Variants in AGFG2 observed in about 807,000 individuals in gnomAD.
The protein encoded by AGFG2 is ArfGAP with FG repeats 2.
In AGFG2, 31 loss-of-function variants were observed where a neutral mutation model predicts 48.0. The ratio of observed to expected loss-of-function variants is 0.65; its 90% CI spans 0.49 to 0.87. The LOEUF (loss-of-function observed/expected upper bound fraction) is 0.87, where lower values mean the gene tolerates loss of function less well. Among genes scored for constraint, AGFG2 ranks in the 40% least tolerant of loss-of-function variants. The probability of loss-of-function intolerance (pLI) is 0.00; values close to 1 mark genes in which losing one functional copy is unlikely to be tolerated. For synonymous variants in AGFG2, 229 were observed against 260.8 expected, an observed-to-expected ratio of 0.88 and a Z score of 1.18; for missense variants, 599 against 632.6, an observed-to-expected ratio of 0.95 and a Z score of 0.57.
At position 100,558,069 on chromosome 7, in the gene AGFG2, C is replaced by T. The variant is rs543076903; in HGVS notation, c.877+2334C>T. ...TCTCTGCTAAAAATACAAATATTAGCCGGGCATGGTGGCAGGCGCCTGTAA... is the reference window on the plus strand; with the variant it reads ...TCTCTGCTAAAAATACAAATATTAGTCGGGCATGGTGGCAGGCGCCTGTAA... On this transcript the variant is annotated intron_variant, in intron 6 of 11. Coordinates refer to ENST00000300176, the MANE Select transcript of AGFG2 (RefSeq NM_006076.5). 3.9e-5 allele frequency among the ~76,000 whole-genome samples: 6 copies of T among 152,076 alleles called. No homozygotes were observed. In the East Asian group the frequency reaches 9.7e-4, roughly 25 times the overall value.
Position 100,550,527 on chromosome 7 carries a change from G to C in AGFG2, c.431+16G>C, listed in dbSNP as rs1383063161. On this transcript the variant is annotated intron_variant, in intron 3 of 11. Coordinates refer to ENST00000300176, the MANE Select transcript of AGFG2 (RefSeq NM_006076.5). The stretch of plus-strand genomic sequence containing the variant: ...AGAAGAGATGGTAAGGAGTAGGAAA[G>C]AGGTTGCTATGGAAACGTGTTCAAG... 1 of 1,581,850 alleles carries C rather than the reference G, an allele frequency of 6.3e-7. No individual in the cohort carries two copies.
In AGFG2 at chr7:100,565,106, T is replaced by G; in HGVS notation, c.*115T>G. On this transcript the variant is annotated 3_prime_UTR_variant, in exon 12 of 12. Transcript: ENST00000300176. Reference sequence around the variant, plus strand: ...TGGGCCTTGGGGATGGTGGAGGTGCTAATGCTTTGCTTGGGGCCTACAGGT... The same window carrying G: ...TGGGCCTTGGGGATGGTGGAGGTGCGAATGCTTTGCTTGGGGCCTACAGGT... 2 of 1,236,046 alleles carry G rather than the reference T, an allele frequency of 1.6e-6. No individual in the cohort carries two copies. The highest frequency in any genetic ancestry group is 2.4e-6 in the Non-Finnish European group (2 of 841,862). 76.6% of individuals were successfully genotyped at this position (1,236,046 alleles called of 1,614,324 possible). A position where few individuals can be genotyped will look rare whatever the true frequency, so the allele number is the denominator to read the frequency against.
At chr7:100,564,648 T>C (rs1017245041) in intron 11 of AGFG2, among the ~76,000 whole-genome samples, 2 of 151,840 alleles carry the variant, frequency 1.3e-5, no homozygotes, top group Admixed American at 1.3e-4. Context: ...GGACTACAGG[T>C]GTGCACCACC....
intron 9 of AGFG2, 42 bp from the exon 10 acceptor site, chr7:100,563,792 C>T (rs1177468962): frequency 6.2e-7 from 1 of 1,606,422 alleles, no homozygotes; most frequent in Non-Finnish European, 8.5e-7. Flanking sequence ...TCCAGCCCAC[C>T]TTCCAGAAGT....
At chr7:100,541,759 T>C (rs1185384738) in intron 1 of AGFG2, among the ~76,000 whole-genome samples, 1 of 143,528 alleles carries the variant, frequency 7.0e-6, no homozygotes, top group Non-Finnish European at 1.5e-5. Context: ...AGCGAGACTC[T>C]GTCTCACAAA....
At chr7:100,558,974 A>G (rs373140323) in intron 6 of AGFG2, among the ~76,000 whole-genome samples, 2 of 152,140 alleles carry the variant, frequency 1.3e-5, no homozygotes, top group East Asian at 3.9e-4. Flanking sequence ...CTCTCTACCA[A>G]AATACAAAAA....
In AGFG2 at chr7:100,550,981, C is replaced by G. The variant is rs759742902; in HGVS notation, c.431+470C>G. Among the ~76,000 whole-genome samples, 93 of 138,088 alleles carry G rather than the reference C, an allele frequency of 6.7e-4. 1 individual carries two copies. Among genetic ancestry groups the G allele is most frequent in the Non-Finnish European group, 4.4e-4 (29 of 65,394 alleles). 90.6% of individuals were successfully genotyped at this position (138,088 alleles called of 152,430 possible). On this transcript the variant is annotated intron_variant, in intron 3 of 11. Coordinates refer to ENST00000300176, the MANE Select transcript of AGFG2 (RefSeq NM_006076.5). ...AGCTCAGGTGATCCTCCTACCTCAT[C>G]CTCCCCAGTAACTGGGACTACAGGT...
intron 6 of AGFG2, among the ~76,000 whole-genome samples, chr7:100,556,781 C>G (rs1800766930): frequency 6.6e-6 from 1 of 152,204 alleles, no homozygotes; most frequent in Admixed American, 6.5e-5. Context: ...AAGCTGAGAC[C>G]AGAGCCCAGA....
rs768363757 is a variant in AGFG2 at position 100,562,315 on chromosome 7, A to G, written c.934A>G (p.Asn312Asp). ...TCCCCTGGCACCCGCCAGTCAGCCAAACAGCCTCGCAGACGTGGGCAGCTT... is the reference window on the plus strand; with the variant it reads ...TCCCCTGGCACCCGCCAGTCAGCCAGACAGCCTCGCAGACGTGGGCAGCTT... ...ATPLAPASQPNSLADVGSFLG... is the reference protein window; with the variant it reads ...ATPLAPASQPDSLADVGSFLG... The change falls in exon 7 of 12, where the codon AAC (asparagine) becomes GAC (aspartate). Residue 312 changes from asparagine (N) to aspartate (D), a missense_variant. Transcript: ENST00000300176. The surrounding 1 kb of genome is among the most constrained non-coding windows in gnomAD (Gnocchi z 5.4). 6.2e-7 allele frequency: 1 copy of G among 1,614,012 alleles called. No homozygotes were observed. The highest frequency in any genetic ancestry group is 2.2e-5 in the East Asian group (1 of 44,872).
At chr7:100,551,729 C>A (rs1800649549) in intron 3 of AGFG2, among the ~76,000 whole-genome samples, 1 of 149,002 alleles carries the variant, frequency 6.7e-6, no homozygotes, top group Non-Finnish European at 1.5e-5. Context: ...ACTAAAAATA[C>A]AAAAAAAATT....
At chr7:100,564,088 A>T (rs2131127017) in intron 10 of AGFG2, 126 bp downstream of exon 10, 1 of 1,546,102 alleles carries the variant, frequency 6.5e-7, no homozygotes, top group African/African-American at 1.4e-5. Flanking sequence ...GGGACCAGGG[A>T]AGCACCAGAC....
chr7:100,558,141 G>A (rs1477880696), intron 6 of AGFG2, among the ~76,000 whole-genome samples: 2 of 152,168 alleles, frequency 1.3e-5, no homozygotes, highest in Non-Finnish European at 2.9e-5. Context: ...TTGAACCCGG[G>A]AGGCGGAGGT....
chr7:100,546,262 G>A lies in AGFG2; in HGVS notation c.222-2560G>A, dbSNP rs572604667. ...CCATTTTGATTGATGCCTGGGTTGA[G>A]TCCTGCCTCCTCCCCCTAACAAGGA... On this transcript the variant is annotated intron_variant, in intron 1 of 11. Transcript: ENST00000300176. Among the ~76,000 whole-genome samples, 3 of 147,410 alleles carry A rather than the reference G, an allele frequency of 2.0e-5. No individual in the cohort carries two copies. In the South Asian group the frequency reaches 6.5e-4, roughly 32 times the overall value.
At position 100,555,263 on chromosome 7, in the gene AGFG2, G is replaced by GTT. The variant is rs1166680394; in HGVS notation, c.752-320_752-319dup. 3.3e-3 allele frequency among the ~76,000 whole-genome samples: 247 copies of GTT among 75,184 alleles called. 31 individuals carry two copies. Among genetic ancestry groups the GTT allele is most frequent in the African/African-American group, 7.2e-3 (119 of 16,468 alleles). 49.3% of individuals were successfully genotyped at this position (75,184 alleles called of 152,430 possible). On this transcript the variant is annotated intron_variant, in intron 5 of 11. Coordinates refer to ENST00000300176, the MANE Select transcript of AGFG2 (RefSeq NM_006076.5). ...TTTCTTTTTCTGTTGTGTGTGTGTG[G>GTT]TTTTTTTTTTTTTTTTTTTTTTTTT... is the stretch of plus-strand genomic sequence containing the variant.
intron 3 of AGFG2, among the ~76,000 whole-genome samples, chr7:100,551,055 TATA>T (rs1800626567): frequency 5.7e-5 from 5 of 87,908 alleles, no homozygotes; most frequent in African/African-American, 2.0e-4. Flanking sequence ...TATATATATA[TATA>T]TATATATATT....
intron 5 of AGFG2, 114 bp from the exon 6 acceptor site, chr7:100,555,496 C>G (rs1294863326): frequency 3.4e-6 from 4 of 1,187,368 alleles, no homozygotes; most frequent in Non-Finnish European, 4.7e-6. Context: ...TGGTCTTGAA[C>G]TTCTGACCTC....
At chr7:100,564,162 G>A (rs779430897) in intron 10 of AGFG2, 56 bp from the exon 11 acceptor site, 9 of 1,576,998 alleles carry the variant, frequency 5.7e-6, no homozygotes, top group Non-Finnish European at 6.9e-6. Context: ...CCCCCTTGCT[G>A]TCCGCCTGCA....
intron 3 of AGFG2, among the ~76,000 whole-genome samples, 192 bp from the exon 4 acceptor site, chr7:100,553,150 CAAAAA>C (rs1221330906): frequency 1.3e-5 from 2 of 151,906 alleles, no homozygotes; most frequent in Admixed American, 1.3e-4. Flanking sequence ...GACCCTGTCT[CAAAAA>C]AACCAAAAGA....
At chr7:100,563,797 A>T in intron 9 of AGFG2, 37 bp from the exon 10 acceptor site, 2 of 1,607,808 alleles carry the variant, frequency 1.2e-6, no homozygotes, top group Non-Finnish European at 1.7e-6. Context: ...CCCACCTTCC[A>T]GAAGTTCACC....
Sources: allele counts gnomAD v4.1 joint callset (sites outside exome capture counted in the v4.1 genomes callset), GRCh38; gene constraint gnomAD v4.1.1; non-coding constraint Gnocchi (gnomAD v3.1); transcripts MANE v1.5; gene names NCBI Gene and HGNC (gene_info 2026-07-23, HGNC 2026-07-21).